The following SCMH1 variants were observed in gnomAD, a reference collection of about 807,000 sequenced individuals.
The protein encoded by SCMH1 is Scm polycomb group protein homolog 1, also known as polycomb protein SCMH1.
SCMH1 carries 37 observed loss-of-function variants against 70.8 expected under a neutral mutation model. The ratio of observed to expected loss-of-function variants is 0.52; its 90% CI spans 0.40 to 0.69. The LOEUF (loss-of-function observed/expected upper bound fraction) is 0.69. Ranked by LOEUF, SCMH1 falls within the 30% of genes least tolerant of loss-of-function variation. The pLI, the probability that SCMH1 is intolerant of heterozygous loss-of-function variation, is 0.00. For synonymous variants in SCMH1, 292 were observed against 307.4 expected (o/e 0.95, Z 0.52); for missense variants, 607 against 827.3 (o/e 0.73, Z 3.27).
rs1553237543 is a variant in SCMH1 at position 41,086,899 on chromosome 1, A to AAC, written c.746-11449_746-11448insGT. Among the ~76,000 whole-genome samples, 63 of 150,876 alleles carry AAC rather than the reference A, an allele frequency of 4.2e-4. No homozygotes were observed. The East Asian group carries it at 5.8e-3, about 14-fold the overall frequency. On this transcript the variant is annotated intron_variant, in intron 8 of 14. Coordinates refer to ENST00000337495, the Ensembl canonical transcript of SCMH1. ...AAACAAAACAAAACCAAAAAAAAAA[A>AAC]AAAAACCCCAAACACACAAAGCAGA... is the stretch of plus-strand genomic sequence containing the variant.
intron 1 of SCMH1, among the ~76,000 whole-genome samples, chr1:41,190,988 C>G (rs1242698864): frequency 2.0e-5 from 3 of 152,200 alleles, no homozygotes; most frequent in African/African-American, 7.2e-5. Context: ...AATCCTCCCA[C>G]CTCAGCCTTC....
chr1:41,214,735 C>CAA (rs917273235), intron 1 of SCMH1, among the ~76,000 whole-genome samples: 2 of 150,186 alleles, frequency 1.3e-5, no homozygotes, highest in South Asian at 4.2e-4. Context: ...TACCCTGACT[C>CAA]AAAAAAAAAG....
intron 1 of SCMH1, among the ~76,000 whole-genome samples, chr1:41,204,526 T>C (rs999701818): frequency 6.6e-6 from 1 of 152,190 alleles, no homozygotes; most frequent in Non-Finnish European, 1.5e-5. Flanking sequence ...CCAGCTATAC[T>C]GGTCTTCTCA....
At chr1:41,087,817 A>G (rs919284041) in intron 8 of SCMH1, among the ~76,000 whole-genome samples, 15 of 152,128 alleles carry the variant, frequency 9.9e-5, no homozygotes, top group Admixed American at 7.9e-4. Context: ...TTTACCCTGA[A>G]GATACACCTC....
intron 1 of SCMH1, among the ~76,000 whole-genome samples, chr1:41,208,669 T>C (rs1316243030): frequency 1.3e-5 from 2 of 152,122 alleles, no homozygotes; most frequent in African/African-American, 4.8e-5. Context: ...AAAGATGTTC[T>C]TTGAAACCAA....
chr1:41,228,268 G>T (rs553923004), intron 1 of SCMH1, among the ~76,000 whole-genome samples: 5 of 152,220 alleles, frequency 3.3e-5, no homozygotes, highest in Admixed American at 2.6e-4. Context: ...CTCCACAATG[G>T]GATGTATAAT....
chr1:41,096,129 T>C (rs903500847), intron 8 of SCMH1, among the ~76,000 whole-genome samples: 2 of 152,190 alleles, frequency 1.3e-5, no homozygotes, highest in Non-Finnish European at 2.9e-5. Context: ...GATTCAATAA[T>C]ACTAGCAATA....
At chr1:41,185,968 C>A in intron 2 of SCMH1, 153 bp downstream of exon 2, 1 of 687,060 alleles carries the variant, frequency 1.5e-6, no homozygotes, top group South Asian at 3.4e-5. Context: ...CTCTCCCAAT[C>A]TGGAAAATTC....
At chr1:41,075,477 A>G in intron 8 of SCMH1, 26 bp from the exon 9 acceptor site, 1 of 1,571,792 alleles carries the variant, frequency 6.4e-7, no homozygotes, top group Non-Finnish European at 8.7e-7. Flanking sequence ...TCATTCTATC[A>G]CCCTCCCTCC....
At position 41,083,513 on chromosome 1, in the gene SCMH1, G is replaced by A. The variant is rs1181978674; in HGVS notation, c.746-8062C>T. On this transcript the variant is annotated intron_variant, in intron 8 of 14. Coordinates refer to ENST00000337495, the Ensembl canonical transcript of SCMH1. Reference sequence around the variant, plus strand: ...ATGGAAGAACATTCCATGCTCATGGGTAGGTAGAATCAATATCATGAAAAT... The same window carrying A: ...ATGGAAGAACATTCCATGCTCATGGATAGGTAGAATCAATATCATGAAAAT... 3.3e-5 allele frequency among the ~76,000 whole-genome samples: 5 copies of A among 152,154 alleles called. No individual in the cohort carries two copies. The South Asian group carries it at 6.2e-4, about 19-fold the overall frequency.
At chr1:41,144,514 A>G (rs1168660895) in intron 5 of SCMH1, among the ~76,000 whole-genome samples, 1 of 152,136 alleles carries the variant, frequency 6.6e-6, no homozygotes, top group East Asian at 1.9e-4. Flanking sequence ...GCTGATGGAC[A>G]TTTGGGTTGT....
chr1:41,197,683 T>C (rs576707069), intron 1 of SCMH1, among the ~76,000 whole-genome samples: 1 of 148,902 alleles, frequency 6.7e-6, no homozygotes, highest in African/African-American at 2.4e-5. Flanking sequence ...TTTATGTATA[T>C]TTTGCCACAA....
chr1:41,208,337 T>C (rs1019345353), intron 1 of SCMH1, among the ~76,000 whole-genome samples: 1 of 129,868 alleles, frequency 7.7e-6, no homozygotes, highest in African/African-American at 2.9e-5. Context: ...GATGACACAT[T>C]AGTGGGTGCA....
intron 8 of SCMH1, among the ~76,000 whole-genome samples, chr1:41,105,917 C>G (rs954190838): frequency 6.7e-6 from 1 of 148,870 alleles, no homozygotes; most frequent in Non-Finnish European, 1.5e-5. Context: ...CTCTGTCACT[C>G]AGGCTGGAGT....
At chr1:41,157,034 G>C (rs1490445485) in intron 4 of SCMH1, among the ~76,000 whole-genome samples, 1 of 140,768 alleles carries the variant, frequency 7.1e-6, no homozygotes, top group East Asian at 2.1e-4. Context: ...ATATCTCACT[G>C]TAACCCCGAT....
At chr1:41,159,821 A>G in intron 4 of SCMH1, 4 of 1,459,338 alleles carry the variant, frequency 2.7e-6, no homozygotes. Context: ...GTAAAGTCTG[A>G]GTATAGCCGC....
intron 8 of SCMH1, among the ~76,000 whole-genome samples, chr1:41,107,829 T>C (rs1261691492): frequency 6.6e-6 from 1 of 152,236 alleles, no homozygotes; most frequent in East Asian, 1.9e-4. Context: ...AGGATTACAA[T>C]TTAATTAACT....
chr1:41,034,124 GAGGTGA>G, intron 13 of SCMH1, 76 bp from the exon 14 acceptor site: 1 of 1,539,010 alleles, frequency 6.5e-7, no homozygotes, highest in Non-Finnish European at 8.8e-7. Flanking sequence ...GAAGACCTGA[GAGGTGA>G]GATGACTGAC....
intron 1 of SCMH1, among the ~76,000 whole-genome samples, chr1:41,214,081 T>TAC (rs542251090): frequency 1.4e-3 from 220 of 152,188 alleles, no homozygotes; most frequent in Non-Finnish European, 2.5e-3. Context: ...CTATCTCAAT[T>TAC]ACACACACAT....
Sources: gnomAD v4.1 joint callset for allele counts (sites outside exome capture counted in the v4.1 genomes callset) on GRCh38, gnomAD v4.1.1 for gene constraint, MANE v1.5 for transcripts, NCBI Gene and HGNC (gene_info 2026-07-23, HGNC 2026-07-21) for gene names.